Variants in TK1 observed in about 807,000 individuals in gnomAD.
TK1 encodes thymidine kinase, cytosolic.
A neutral mutation model predicts 22.4 loss-of-function variants in TK1; 13 were observed. That is an observed-to-expected ratio of 0.58 (90% CI 0.38 to 0.92). The LOEUF (loss-of-function observed/expected upper bound fraction) is 0.92, where lower values mean the gene tolerates loss of function less well. TK1 is among the 40% of genes least tolerant of loss of function. The pLI is 0.00. For missense variants in TK1, 251 were observed against 315.7 expected (o/e 0.80, Z 1.55); for synonymous variants, 134 against 125.4 (o/e 1.07, Z -0.46).
At position 78,185,312 on chromosome 17, in the gene TK1, AGGGTATAAT is replaced by A. The variant is rs2075774335; in HGVS notation, c.99-156_99-148del. On this transcript the variant is annotated intron_variant, in intron 2 of 6. Coordinates refer to ENST00000301634, the MANE Select transcript of TK1 (RefSeq NM_003258.5). The stretch of plus-strand genomic sequence containing the variant: ...CAGAAAAGAGCAGGGCAGAGCAGGC[AGGGTATAAT>A]ATCCCTACAAAGAGGGTTGGAAGTC... The A allele has an allele frequency of 4.8e-6, 3 of 628,506 alleles. No individual in the cohort carries two copies. The East Asian group carries it at 8.3e-5, about 17-fold the overall frequency. 38.9% of individuals were successfully genotyped at this position (628,506 alleles called of 1,614,324 possible).
chr17:78,182,510 A>G, intron 4 of TK1, 79 bp downstream of exon 4: 1 of 1,135,216 alleles, frequency 8.8e-7, no homozygotes, highest in Non-Finnish European at 1.2e-6. Context: ...AGATCAGATA[A>G]CTTCCAAGTC....
At chr17:78,186,711 A>T in intron 2 of TK1, 76 bp downstream of exon 2, 1 of 987,536 alleles carries the variant, frequency 1.0e-6, no homozygotes, top group Non-Finnish European at 1.3e-6. Flanking sequence ...AGGGGAGGGA[A>T]GGGGAGGGGA....
At chr17:78,179,355 C>A (rs181932278) in intron 4 of TK1, 2 of 985,396 alleles carry the variant, frequency 2.0e-6, no homozygotes, top group East Asian at 2.3e-4. Flanking sequence ...CCCTCAAGCA[C>A]GGGGCAGCAA....
Position 78,175,047 on chromosome 17 carries a change from T to C in TK1, c.513+3A>G. 3 of 1,613,220 alleles carry C rather than the reference T, an allele frequency of 1.9e-6. No individual in the cohort carries two copies. The highest frequency in any genetic ancestry group is 1.7e-6 in the Non-Finnish European group (2 of 1,179,538). ...GGCCTGCAGGGAAGGCAGGTGGAGC[T>C]ACCTCCTTCTCTGTGCCGAGCCTCT... On this transcript the variant is annotated splice_donor_region_variant and intron_variant, in intron 6 of 6. Coordinates refer to ENST00000301634, the MANE Select transcript of TK1 (RefSeq NM_003258.5).
At chr17:78,179,608 A>G in intron 4 of TK1, 1 of 985,448 alleles carries the variant, frequency 1.0e-6, no homozygotes, top group Non-Finnish European at 1.2e-6. Flanking sequence ...GTTGGGCAAG[A>G]ACAGAACCAG....
intron 4 of TK1, 21 bp downstream of exon 4, chr17:78,182,568 T>C (rs749674866): frequency 2.6e-6 from 4 of 1,547,522 alleles, no homozygotes; most frequent in African/African-American, 1.4e-5. Flanking sequence ...GGAAGAGTGA[T>C]GCCAAGACAA....
At chr17:78,177,515 G>A (rs1299523498) in intron 4 of TK1, among the ~76,000 whole-genome samples, 1 of 152,078 alleles carries the variant, frequency 6.6e-6, no homozygotes, top group South Asian at 2.1e-4. Flanking sequence ...CAGGCATTTA[G>A]GTTAAGGAAT....
At chr17:78,186,690 G>GGAAGGGA in intron 2 of TK1, 97 bp downstream of exon 2, 1 of 562,496 alleles carries the variant, frequency 1.8e-6, no homozygotes, top group Non-Finnish European at 2.8e-6. Context: ...AAGGGAAGGG[G>GGAAGGGA]AGGGGAGGGG....
Position 78,175,110 on chromosome 17 carries a change from C to A in TK1, c.453G>T (p.Ala151=). 4.3e-6 allele frequency: 7 copies of A among 1,613,436 alleles called. No homozygotes were observed. The highest frequency in any genetic ancestry group is 4.2e-6 in the Non-Finnish European group (5 of 1,179,892). ...CTTCCCGGAAGCACTCCATGCACACCGCCGTCAGCTTCACCACGCTCTCGG... is the reference window on the plus strand; with the variant it reads ...CTTCCCGGAAGCACTCCATGCACACAGCCGTCAGCTTCACCACGCTCTCGG... ...PLAESVVKLT[A]VCMECFREAA... is the part of the protein sequence containing the mutation. The change falls in exon 6 of 7, where the codon GCG becomes GCT. Residue 151 remains alanine, a synonymous_variant. Transcript: ENST00000301634.
chr17:78,179,258 T>C, intron 4 of TK1: 2 of 985,386 alleles, frequency 2.0e-6, no homozygotes, highest in Non-Finnish European at 2.4e-6. Context: ...GCAAAATCCC[T>C]GGATGCATTC....
intron 6 of TK1, 40 bp from the exon 7 acceptor site, chr17:78,174,990 G>T (rs1229574825): frequency 6.2e-7 from 1 of 1,610,376 alleles, no homozygotes; most frequent in South Asian, 1.1e-5. Flanking sequence ...GGCCAGGACA[G>T]GAAGGAGGCA....
chr17:78,177,084 C>T (rs1464139685), intron 4 of TK1, among the ~76,000 whole-genome samples: 1 of 152,194 alleles, frequency 6.6e-6, no homozygotes, highest in Non-Finnish European at 1.5e-5. Flanking sequence ...AGTCAAAGAG[C>T]TTGGTTCTTG....
chr17:78,179,554 C>T (rs1374488817), intron 4 of TK1: 2 of 985,458 alleles, frequency 2.0e-6, no homozygotes, highest in Non-Finnish European at 2.4e-6. Flanking sequence ...GACCCGTCAG[C>T]CTCCCCACGG....
At chr17:78,179,042 T>G (rs1382052457) in intron 4 of TK1, 2 of 501,264 alleles carry the variant, frequency 4.0e-6, no homozygotes, top group African/African-American at 4.2e-5. Flanking sequence ...ATACGCTGGC[T>G]CCTGACTCAG....
At chr17:78,184,457 G>A (rs1201654939) in intron 3 of TK1, among the ~76,000 whole-genome samples, 1 of 152,236 alleles carries the variant, frequency 6.6e-6, no homozygotes, top group African/African-American at 2.4e-5. Flanking sequence ...TGCCAAGGAA[G>A]TGAATTTAAC....
At chr17:78,178,542 C>T (rs2075716899) in intron 4 of TK1, among the ~76,000 whole-genome samples, 1 of 152,236 alleles carries the variant, frequency 6.6e-6, no homozygotes, top group Admixed American at 6.5e-5. Flanking sequence ...TCCACGTAGA[C>T]AATGAAGGAG....
In TK1 at chr17:78,187,037, C is replaced by T. The variant is rs369392338; in HGVS notation, c.-43G>A. On this transcript the variant is annotated 5_prime_UTR_variant, in exon 1 of 7. Transcript: ENST00000301634. ...CACGAACCCGAGTACTCTCCAAGGC[C>T]GTCCCGCAGTAAGCCCCTGGTTCCC... 3.8e-6 allele frequency: 6 copies of T among 1,577,848 alleles called. No individual in the cohort carries two copies. Among genetic ancestry groups the T allele is most frequent in the East Asian group, 2.3e-5 (1 of 42,942 alleles).
rs762843059 is a variant in TK1 at position 78,185,123 on chromosome 17, C to T, written c.141G>A (p.Gln47=). Residue 47 remains glutamine, a synonymous_variant, in exon 3 of 7, where the codon CAG becomes CAA. Coordinates refer to ENST00000301634, the MANE Select transcript of TK1 (RefSeq NM_003258.5). ...CATACTTGATCACCAGGCACTTGTACTGAGCAATCTGGAAGCGACGGACGC... is the reference window on the plus strand; with the variant it reads ...CATACTTGATCACCAGGCACTTGTATTGAGCAATCTGGAAGCGACGGACGC... The part of the protein sequence containing the change: ...MRRVRRFQIA[Q]YKCLVIKYAK... 14 of 1,611,776 alleles carry T rather than the reference C, an allele frequency of 8.7e-6. No individual in the cohort carries two copies. The East Asian group carries it at 1.1e-4, about 13-fold the overall frequency.
Position 78,185,148 on chromosome 17 carries a change from C to CG in TK1, c.115dup (p.Arg39ProfsTer31). 1 of 1,612,276 alleles carries CG rather than the reference C, an allele frequency of 6.2e-7. No homozygotes were observed. Among genetic ancestry groups the CG allele is most frequent in the South Asian group, 1.1e-5 (1 of 90,956 alleles). On this transcript the variant is annotated frameshift_variant, in exon 3 of 7. Coordinates refer to ENST00000301634, the MANE Select transcript of TK1 (RefSeq NM_003258.5). LOFTEE classifies it high-confidence loss of function. ...CTGAGCAATCTGGAAGCGACGGACG[C>CG]GTCTCATCAACTCTGTGCTGCAAGA...
Sources: gnomAD v4.1 joint callset for allele counts (sites outside exome capture counted in the v4.1 genomes callset) on GRCh38, gnomAD v4.1.1 for gene constraint, MANE v1.5 for transcripts, NCBI Gene and HGNC (gene_info 2026-07-23, HGNC 2026-07-21) for gene names.